The following SCHIP1 variants were observed in gnomAD, a reference collection of about 807,000 sequenced individuals.
The protein encoded by SCHIP1 is schwannomin-interacting protein 1.
SCHIP1 carries 8 observed loss-of-function variants against 29.7 expected under a neutral mutation model. The ratio of observed to expected loss-of-function variants is 0.27; its 90% CI spans 0.16 to 0.49. The LOEUF (loss-of-function observed/expected upper bound fraction) is 0.49, where lower values mean the gene tolerates loss of function less well. SCHIP1 is among the 20% of genes least tolerant of loss of function. The probability of loss-of-function intolerance (pLI) is 0.99; values close to 1 mark genes in which losing one functional copy is unlikely to be tolerated. For missense variants in SCHIP1, 193 were observed against 294.6 expected (o/e 0.66, Z 2.52); for synonymous variants, 76 against 94.9 (o/e 0.80, Z 1.16).
At chr3:159,402,816 G>C in the SCHIP1 span, among the ~76,000 whole-genome samples, 1 of 151,974 alleles carries the variant, frequency 6.6e-6, no homozygotes, top group Non-Finnish European at 1.5e-5. Context: ...AGCATTAGGA[G>C]ATATACCTAA....
At chr3:159,309,906 A>G in the SCHIP1 span, among the ~76,000 whole-genome samples, 1 of 152,212 alleles carries the variant, frequency 6.6e-6, no homozygotes, top group Non-Finnish European at 1.5e-5. Flanking sequence ...TGTAGCAAGA[A>G]TCAATAATAA....
the SCHIP1 span, among the ~76,000 whole-genome samples, chr3:159,531,561 A>G: frequency 6.6e-6 from 1 of 152,260 alleles, no homozygotes; most frequent in African/African-American, 2.4e-5. Flanking sequence ...CCGTACCTAC[A>G]AAAACTGATG....
the SCHIP1 span, among the ~76,000 whole-genome samples, chr3:159,566,335 TA>T: frequency 6.6e-6 from 1 of 152,228 alleles, no homozygotes; most frequent in African/African-American, 2.4e-5. Flanking sequence ...CATTTATTCA[TA>T]TAACAAATAT....
At chr3:159,865,619 A>C (rs1205201002) in intron 1 of SCHIP1, among the ~76,000 whole-genome samples, 2 of 152,198 alleles carry the variant, frequency 1.3e-5, no homozygotes, top group Non-Finnish European at 2.9e-5. Context: ...TGTAAGCTGC[A>C]TGGAGGCAGG....
At chr3:159,461,793 G>A in the SCHIP1 span, among the ~76,000 whole-genome samples, 11 of 151,958 alleles carry the variant, frequency 7.2e-5, no homozygotes, top group Admixed American at 2.0e-4. Context: ...AATTTTTAAA[G>A]AATAAGCATA....
intron 2 of SCHIP1, among the ~76,000 whole-genome samples, chr3:159,867,258 A>G (rs1303618514): frequency 6.6e-6 from 1 of 152,162 alleles, no homozygotes; most frequent in Admixed American, 6.5e-5. Flanking sequence ...TAAAATACTC[A>G]GTTATTTTAC....
the SCHIP1 span, among the ~76,000 whole-genome samples, chr3:159,617,316 C>T: frequency 6.6e-6 from 1 of 152,144 alleles, no homozygotes; most frequent in Non-Finnish European, 1.5e-5. Flanking sequence ...CTGATCTTTC[C>T]CTGCCTCCCT....
chr3:159,548,533 C>T, the SCHIP1 span, among the ~76,000 whole-genome samples: 2 of 151,850 alleles, frequency 1.3e-5, no homozygotes, highest in South Asian at 2.1e-4. Context: ...TTTTAGAACT[C>T]CAATGATATA....
chr3:159,678,535 T>G, the SCHIP1 span, among the ~76,000 whole-genome samples: 1 of 152,238 alleles, frequency 6.6e-6, no homozygotes, highest in African/African-American at 2.4e-5. Flanking sequence ...ATTTTACAAT[T>G]TACTTATATC....
chr3:159,322,730 T>C, the SCHIP1 span, among the ~76,000 whole-genome samples: 1 of 152,218 alleles, frequency 6.6e-6, no homozygotes, highest in Admixed American at 6.5e-5. Flanking sequence ...GGCAGGAATC[T>C]GCACTTTTAA....
the SCHIP1 span, among the ~76,000 whole-genome samples, chr3:159,809,510 C>G: frequency 6.6e-6 from 1 of 152,068 alleles, no homozygotes; most frequent in Non-Finnish European, 1.5e-5. Context: ...AATGGGATGG[C>G]TGGATCAAAT....
chr3:159,815,681 C>T, the SCHIP1 span, among the ~76,000 whole-genome samples: 1 of 152,102 alleles, frequency 6.6e-6, no homozygotes, highest in African/African-American at 2.4e-5. Context: ...GCAGTGTGTT[C>T]AAAAGTAACT....
chr3:159,533,626 G>GC, the SCHIP1 span, among the ~76,000 whole-genome samples: 1,569 of 152,052 alleles, frequency 0.01, 31 homozygotes, highest in African/African-American at 0.035. Flanking sequence ...TGCTCTGTCT[G>GC]CCCCCCCACA....
At chr3:159,871,361 G>C (rs973704343) in intron 2 of SCHIP1, among the ~76,000 whole-genome samples, 6 of 130,406 alleles carry the variant, frequency 4.6e-5, no homozygotes, top group African/African-American at 1.2e-4. Context: ...TTGTTTGTTG[G>C]GGGGGGTGGG....
At chr3:159,751,646 G>A in the SCHIP1 span, among the ~76,000 whole-genome samples, 2 of 151,612 alleles carry the variant, frequency 1.3e-5, no homozygotes, top group Admixed American at 6.6e-5. Context: ...CCAGGTTCAT[G>A]CCATTCTCCT....
At chr3:159,730,057 C>A in the SCHIP1 span, among the ~76,000 whole-genome samples, 2 of 152,182 alleles carry the variant, frequency 1.3e-5, no homozygotes, top group African/African-American at 4.8e-5. Context: ...CATAATGTAT[C>A]TATAAATATG....
chr3:159,861,618 G>A lies in SCHIP1; in HGVS notation c.31-4545G>A, dbSNP rs1714069018. 2.6e-5 allele frequency among the ~76,000 whole-genome samples: 4 copies of A among 152,204 alleles called. No individual in the cohort carries two copies. The highest frequency in any genetic ancestry group is 5.9e-5 in the Non-Finnish European group (4 of 68,042). ...GACAAAAACTTCCTGGGGCTGAATA[G>A]CGGTGAGTTTCTAATCACATTTTTA... On this transcript the variant is annotated intron_variant, in intron 1 of 6. Coordinates refer to ENST00000445224, the Ensembl canonical transcript of SCHIP1. This position sits in a 1 kb window ranked among gnomAD's most constrained non-coding sequence, Gnocchi z 4.1.
chr3:159,767,375 T>C, the SCHIP1 span, among the ~76,000 whole-genome samples: 1 of 152,156 alleles, frequency 6.6e-6, no homozygotes, highest in Non-Finnish European at 1.5e-5. Flanking sequence ...TGGGTCGCTG[T>C]TATAAAAGAT....
the SCHIP1 span, among the ~76,000 whole-genome samples, chr3:159,463,063 T>C: frequency 6.6e-6 from 1 of 151,832 alleles, no homozygotes; most frequent in East Asian, 1.9e-4. Context: ...TGTCAATCAA[T>C]ATTATATAGA....
Sources: gnomAD v4.1 joint callset for allele counts (sites outside exome capture counted in the v4.1 genomes callset) on GRCh38, gnomAD v4.1.1 for gene constraint, Gnocchi (gnomAD v3.1) non-coding constraint, MANE v1.5 for transcripts, NCBI Gene and HGNC (gene_info 2026-07-23, HGNC 2026-07-21) for gene names.